MYOZ3: variants seen among roughly 807,000 people sequenced by gnomAD.
The protein encoded by MYOZ3 is myozenin 3.
Under a neutral mutation model 26.5 loss-of-function variants are expected in MYOZ3, and 19 were observed. The ratio of observed to expected loss-of-function variants is 0.72; its 90% CI spans 0.50 to 1.05. The LOEUF (loss-of-function observed/expected upper bound fraction) is 1.05. Ranked by LOEUF, MYOZ3 falls within the 50% of genes least tolerant of loss-of-function variation. The probability of loss-of-function intolerance (pLI) is 0.00; values close to 1 mark genes in which losing one functional copy is unlikely to be tolerated. For synonymous variants in MYOZ3, 135 were observed against 138.8 expected (o/e 0.97, Z 0.19); for missense variants, 322 against 337.1 (o/e 0.96, Z 0.35).
At position 150,671,845 on chromosome 5, in the gene MYOZ3, G is replaced by A. The variant is rs762602299; in HGVS notation, c.361G>A (p.Glu121Lys). The A allele has an allele frequency of 3.1e-6, 5 of 1,606,730 alleles. No individual in the cohort carries two copies. The highest frequency in any genetic ancestry group is 1.7e-4 in the Middle Eastern group (1 of 6,046). Residue 121 changes from glutamate (E) to lysine (K), a missense_variant, in exon 5 of 7, where the codon GAG (glutamate) becomes AAG (lysine). Coordinates refer to ENST00000517768, the MANE Select transcript of MYOZ3 (RefSeq NM_001122853.3). ...ASPGASLGGPEGAHPAAAPAG... is the reference protein window; with the variant it reads ...ASPGASLGGPKGAHPAAAPAG... The stretch of plus-strand genomic sequence containing the variant: ...ACCCGGGGCCTCACTCGGGGGTCCC[G>A]AGGGCGCCCACCCTGCAGCCGCCCC...
chr5:150,671,596 G>T lies in MYOZ3; in HGVS notation c.217-1G>T. ...GGTTTATTCTACCCCCTCGTTCCCAGATGCTGGCCGGAAGCGCCAGGAGGA... is the reference window on the plus strand; with the variant it reads ...GGTTTATTCTACCCCCTCGTTCCCATATGCTGGCCGGAAGCGCCAGGAGGA... On this transcript the variant is annotated splice_acceptor_variant, in intron 3 of 6. Transcript: ENST00000517768. LOFTEE classifies it high-confidence loss of function. 6.2e-7 allele frequency: 1 copy of T among 1,613,822 alleles called. No homozygotes were observed.
At chr5:150,662,603 T>C (rs1317580802) in intron 1 of MYOZ3, among the ~76,000 whole-genome samples, 2 of 152,298 alleles carry the variant, frequency 1.3e-5, no homozygotes, top group Admixed American at 6.5e-5. Flanking sequence ...CTGAGACCTT[T>C]GCCTGCCCCA....
chr5:150,671,870 C>A lies in MYOZ3; in HGVS notation c.386C>A (p.Pro129His), dbSNP rs755691028. Residue 129 changes from proline to histidine, a missense_variant, in exon 5 of 7, where the codon CCT becomes CAT. Pro to His is a moderately conservative substitution (Grantham distance 77). Coordinates refer to ENST00000517768, the MANE Select transcript of MYOZ3 (RefSeq NM_001122853.3). ...GPEGAHPAAA[P>H]AGCVPSPSAL... ...GAGGGCGCCCACCCTGCAGCCGCCC[C>A]TGCTGGGTGCGTCCCCAGCCCCAGC... The A allele has an allele frequency of 6.3e-6, 10 of 1,589,446 alleles. No homozygotes were observed. The highest frequency in any genetic ancestry group is 6.8e-6 in the Non-Finnish European group (8 of 1,171,288).
intron 6 of MYOZ3, among the ~76,000 whole-genome samples, chr5:150,674,843 C>A (rs987024710): frequency 3.3e-5 from 5 of 152,074 alleles, no homozygotes. Context: ...AATCTCATTT[C>A]TACTAAAAAT....
chr5:150,667,615 G>A (rs553805425), intron 2 of MYOZ3, among the ~76,000 whole-genome samples: 2 of 149,520 alleles, frequency 1.3e-5, no homozygotes, highest in South Asian at 2.1e-4. Flanking sequence ...CGCACATGCT[G>A]TTATTTCTCC....
rs10463233 is a variant in MYOZ3 at position 150,670,362 on chromosome 5, G to A, written c.62-122G>A. ...AAGATTTCAAACAATCATGACACCC[G>A]GTGTCGGCAAGCTTGGTGAGAAACA... is the stretch of plus-strand genomic sequence containing the variant. On this transcript the variant is annotated intron_variant, in intron 2 of 6. Transcript: ENST00000517768. The A allele has an allele frequency of 3.6e-3, 3,993 of 1,110,246 alleles. 104 individuals are homozygous for A. In the East Asian group the frequency reaches 0.047, roughly 13 times the overall value. The allele number at this position is 1,110,246 out of a possible 1,614,324, so 68.8% of individuals were successfully genotyped here.
chr5:150,668,925 G>C (rs1262136537), intron 2 of MYOZ3, among the ~76,000 whole-genome samples: 1 of 152,156 alleles, frequency 6.6e-6, no homozygotes, highest in African/African-American at 2.4e-5. Flanking sequence ...ACCAGTAAAA[G>C]CTCATGATGC....
rs1759064990 is a variant in MYOZ3 at position 150,679,092 on chromosome 5, T to TG, written c.*2222dup. 1 of 152,346 alleles carries TG rather than the reference T, an allele frequency of 6.6e-6. No homozygotes were observed. Among genetic ancestry groups the TG allele is most frequent in the South Asian group, 2.1e-4 (1 of 4,828 alleles). The allele number at this position is 152,346 out of a possible 1,614,324, so 9.4% of individuals were successfully genotyped here. A position where few individuals can be genotyped will look rare whatever the true frequency, so the allele number is the denominator to read the frequency against. On this transcript the variant is annotated 3_prime_UTR_variant, in exon 7 of 7. Coordinates refer to ENST00000517768, the MANE Select transcript of MYOZ3 (RefSeq NM_001122853.3). ...TGCAATTGGTGTTTTCTCTTGAATT[T>TG]GGGGGCTGCCATTTAAAGCCAGGTT...
chr5:150,673,541 T>C (rs2151449130), intron 6 of MYOZ3, among the ~76,000 whole-genome samples: 1 of 152,140 alleles, frequency 6.6e-6, no homozygotes, highest in African/African-American at 2.4e-5. Flanking sequence ...AGGGTTTCAC[T>C]ATGTTGGCCG....
chr5:150,663,214 A>G (rs947162502), intron 2 of MYOZ3, among the ~76,000 whole-genome samples: 18 of 152,238 alleles, frequency 1.2e-4, no homozygotes, highest in African/African-American at 3.9e-4. Flanking sequence ...CAGACCCAGG[A>G]GCTGAGGCTG....
intron 6 of MYOZ3, among the ~76,000 whole-genome samples, chr5:150,674,115 A>G (rs893597558): frequency 6.6e-6 from 1 of 152,226 alleles, no homozygotes; most frequent in Admixed American, 6.5e-5. Context: ...GATGGGAAGA[A>G]TTGGGCTTAG....
intron 2 of MYOZ3, among the ~76,000 whole-genome samples, chr5:150,665,506 T>C (rs1054750992): frequency 6.6e-6 from 1 of 152,236 alleles, no homozygotes; most frequent in African/African-American, 2.4e-5. Flanking sequence ...TAAACATTCT[T>C]ATACATGTAT....
At chr5:150,667,363 G>A (rs1413592873) in intron 2 of MYOZ3, among the ~76,000 whole-genome samples, 1 of 152,098 alleles carries the variant, frequency 6.6e-6, no homozygotes, top group African/African-American at 2.4e-5. Flanking sequence ...GAGAAAAATA[G>A]AGTAACCAGA....
At chr5:150,670,730 C>A in intron 3 of MYOZ3, 92 bp downstream of exon 3, 1 of 1,267,002 alleles carries the variant, frequency 7.9e-7, no homozygotes, top group Non-Finnish European at 1.1e-6. Flanking sequence ...AGGCTGAGGA[C>A]TGTGATGTTC....
chr5:150,670,426 G>A (rs1353536774), intron 2 of MYOZ3, 58 bp from the exon 3 acceptor site: 6 of 1,465,856 alleles, frequency 4.1e-6, no homozygotes, highest in Non-Finnish European at 4.5e-6. Flanking sequence ...TCGAGAGGTG[G>A]GGCCTGGAGT....
rs964629206 is a variant in MYOZ3 at position 150,678,916 on chromosome 5, C to T, written c.*2041C>T. On this transcript the variant is annotated 3_prime_UTR_variant, in exon 7 of 7. Coordinates refer to ENST00000517768, the MANE Select transcript of MYOZ3 (RefSeq NM_001122853.3). ...AAGCCTCTCATTGCTGTAGAGCTCT[C>T]CCTGCCTCTCTCTCTGGGGGCGATG... 2 of 152,416 alleles carry T rather than the reference C, an allele frequency of 1.3e-5. No homozygotes were observed. The highest frequency in any genetic ancestry group is 1.9e-4 in the East Asian group (1 of 5,338). The allele number at this position is 152,416 out of a possible 1,614,324, so 9.4% of individuals were successfully genotyped here.
chr5:150,663,755 G>T (rs945200057), intron 2 of MYOZ3, among the ~76,000 whole-genome samples: 1 of 152,006 alleles, frequency 6.6e-6, no homozygotes, highest in African/African-American at 2.4e-5. Context: ...AGCACTTTGG[G>T]AGGCTGAGGT....
rs771339909 is a variant in MYOZ3 at position 150,671,805 on chromosome 5, C to T, written c.321C>T (p.His107=). The T allele has an allele frequency of 3.7e-5, 59 of 1,612,746 alleles. No homozygotes were observed. The South Asian group carries it at 6.3e-4, about 17-fold the overall frequency. The part of the protein sequence containing the change: ...PEGPNYRSEL[H]IFPASPGASL... Reference sequence around the variant, plus strand: ...GGCCGAACTACCGCTCGGAGCTCCACATCTTCCCGGCCTCACCCGGGGCCT... The same window carrying T: ...GGCCGAACTACCGCTCGGAGCTCCATATCTTCCCGGCCTCACCCGGGGCCT... Residue 107 remains histidine, a synonymous_variant, in exon 5 of 7, where the codon CAC becomes CAT. Transcript: ENST00000517768.
chr5:150,676,697 C>A lies in MYOZ3; in HGVS notation c.588-10C>A. 1 of 1,612,714 alleles carries A rather than the reference C, an allele frequency of 6.2e-7. No homozygotes were observed. The highest frequency in any genetic ancestry group is 8.5e-7 in the Non-Finnish European group (1 of 1,179,196). The stretch of plus-strand genomic sequence containing the variant: ...CACAGCCCACCTCTCCTGCTGCTCT[C>A]TTTCTCCAGGACCCCGGTGCCATTT... On this transcript the variant is annotated splice_polypyrimidine_tract_variant and intron_variant, in intron 6 of 6. Coordinates refer to ENST00000517768, the MANE Select transcript of MYOZ3 (RefSeq NM_001122853.3).
Sources: gnomAD v4.1 joint callset for allele counts (sites outside exome capture counted in the v4.1 genomes callset) on GRCh38, gnomAD v4.1.1 for gene constraint, MANE v1.5 for transcripts, NCBI Gene and HGNC (gene_info 2026-07-23, HGNC 2026-07-21) for gene names.